DYNC2H1: variants seen among roughly 807,000 people sequenced by gnomAD.
DYNC2H1 encodes dynein cytoplasmic 2 heavy chain 1.
A neutral mutation model predicts 570.0 loss-of-function variants in DYNC2H1; 410 were observed. The ratio of observed to expected loss-of-function variants is 0.72; its 90% CI spans 0.66 to 0.78. The LOEUF (loss-of-function observed/expected upper bound fraction) is 0.78, where lower values mean the gene tolerates loss of function less well. Ranked by LOEUF, DYNC2H1 falls within the 30% of genes least tolerant of loss-of-function variation. The pLI, the probability that DYNC2H1 is intolerant of heterozygous loss-of-function variation, is 0.00. For missense variants in DYNC2H1, 4,865 were observed against 5,046.4 expected, an observed-to-expected ratio of 0.96 and a Z score of 1.09; for synonymous variants, 1,688 against 1,677.6, an observed-to-expected ratio of 1.01 and a Z score of -0.15.
intron 70 of DYNC2H1, among the ~76,000 whole-genome samples, chr11:103,271,572 G>A (rs886959118): frequency 6.6e-6 from 1 of 152,108 alleles, no homozygotes. Context: ...GTCTCTTTGA[G>A]GATCATGGGG....
intron 59 of DYNC2H1, 83 bp from the exon 60 acceptor site, chr11:103,231,177 T>C: frequency 1.4e-6 from 1 of 739,892 alleles, no homozygotes; most frequent in Non-Finnish European, 2.2e-6. Flanking sequence ...AATTGTCATA[T>C]GATTACATTT....
chr11:103,401,598 C>G (rs1942647101), intron 84 of DYNC2H1, among the ~76,000 whole-genome samples: 1 of 152,150 alleles, frequency 6.6e-6, no homozygotes, highest in African/African-American at 2.4e-5. Context: ...GAGTTCTATT[C>G]TACCACATAG....
In DYNC2H1 at chr11:103,239,559, G is replaced by T. The variant is rs1418129915; in HGVS notation, c.9819+3020G>T. Among the ~76,000 whole-genome samples, 1 of 151,844 alleles carries T rather than the reference G, an allele frequency of 6.6e-6. No individual in the cohort carries two copies. The highest frequency in any genetic ancestry group is 1.5e-5 in the Non-Finnish European group (1 of 67,972). On this transcript the variant is annotated intron_variant, in intron 63 of 88. Coordinates refer to ENST00000375735, the MANE Select transcript of DYNC2H1 (RefSeq NM_001377.3). This position sits in a 1 kb window ranked among gnomAD's most constrained non-coding sequence, Gnocchi z 4.3. ...GAGGCACAGAAGAGTTAATTCACTT[G>T]TCTAAGGTCACATGGCTATCAAGTG...
At chr11:103,131,676 C>T (rs561030295) in intron 13 of DYNC2H1, among the ~76,000 whole-genome samples, 1 of 152,216 alleles carries the variant, frequency 6.6e-6, no homozygotes, top group Non-Finnish European at 1.5e-5. Flanking sequence ...CCTTTTCCCT[C>T]ATTCCTGAAG....
At chr11:103,450,313 C>A (rs1944555303) in intron 85 of DYNC2H1, among the ~76,000 whole-genome samples, 1 of 152,134 alleles carries the variant, frequency 6.6e-6, no homozygotes, top group South Asian at 2.1e-4. Flanking sequence ...GATAGCAGAT[C>A]AGTAAAGATA....
intron 11 of DYNC2H1, among the ~76,000 whole-genome samples, chr11:103,124,177 G>A (rs770715350): frequency 2.0e-5 from 3 of 152,008 alleles, no homozygotes; most frequent in Non-Finnish European, 4.4e-5. Context: ...GGGTGTGGTG[G>A]CTTATGCCTG....
rs1941055069 is a variant in DYNC2H1 at position 103,369,462 on chromosome 11, C to A, written c.12156+11103C>A. Among the ~76,000 whole-genome samples, 1 of 152,162 alleles carries A rather than the reference C, an allele frequency of 6.6e-6. No individual in the cohort carries two copies. Among genetic ancestry groups the A allele is most frequent in the Non-Finnish European group, 1.5e-5 (1 of 68,038 alleles). ...CAGTGAACTGGAAGGGACACGTGAC[C>A]TACTGAGGCACCTGCTGGGGCAGCT... On this transcript the variant is annotated intron_variant, in intron 83 of 88. Coordinates refer to ENST00000375735, the MANE Select transcript of DYNC2H1 (RefSeq NM_001377.3). The surrounding 1 kb of genome is among the most constrained non-coding windows in gnomAD (Gnocchi z 4.0).
At chr11:103,266,993 C>T (rs1349340140) in intron 70 of DYNC2H1, among the ~76,000 whole-genome samples, 1 of 152,194 alleles carries the variant, frequency 6.6e-6, no homozygotes, top group Non-Finnish European at 1.5e-5. Flanking sequence ...TGCACATACT[C>T]CGGTACCAAA....
At chr11:103,327,733 T>C (rs182771809) in intron 82 of DYNC2H1, among the ~76,000 whole-genome samples, 33 of 152,316 alleles carry the variant, frequency 2.2e-4, no homozygotes, top group Admixed American at 1.5e-3. Flanking sequence ...CAGCTACCTA[T>C]ATACAGAACT....
At chr11:103,435,143 C>T (rs1374129538) in intron 84 of DYNC2H1, among the ~76,000 whole-genome samples, 8 of 152,112 alleles carry the variant, frequency 5.3e-5, no homozygotes, top group African/African-American at 1.9e-4. Flanking sequence ...AAGGTCCTTT[C>T]TACTCTAAAT....
chr11:103,188,693 A>G, intron 44 of DYNC2H1, 45 bp downstream of exon 44: 1 of 1,345,258 alleles, frequency 7.4e-7, no homozygotes, highest in Non-Finnish European at 9.8e-7. Context: ...GGAAGATATC[A>G]TATATAAATG....
Position 103,374,097 on chromosome 11 carries a change from G to T in DYNC2H1, c.12156+15738G>T, listed in dbSNP as rs191492298. ...TAATGAGTAGGCAACATATAGTAGG[G>T]TCTTGTTTATCGATTCAGCCACACT... On this transcript the variant is annotated intron_variant, in intron 83 of 88. Coordinates refer to ENST00000375735, the MANE Select transcript of DYNC2H1 (RefSeq NM_001377.3). 2.0e-3 allele frequency among the ~76,000 whole-genome samples: 297 copies of T among 152,152 alleles called. 2 individuals carry two copies. The highest frequency in any genetic ancestry group is 6.8e-3 in the African/African-American group (283 of 41,514).
intron 30 of DYNC2H1, among the ~76,000 whole-genome samples, chr11:103,164,502 T>G (rs1861219419): frequency 6.6e-6 from 1 of 152,170 alleles, no homozygotes; most frequent in Non-Finnish European, 1.5e-5. Context: ...TATATGGACC[T>G]GAAATAATGG....
In DYNC2H1 at chr11:103,245,583, C is replaced by T. The variant is rs1240720886; in HGVS notation, c.10042+209C>T. On this transcript the variant is annotated intron_variant, in intron 65 of 88. Transcript: ENST00000375735. The surrounding 1 kb of genome is among the most constrained non-coding windows in gnomAD (Gnocchi z 4.5). ...GTAGAGACCTAGTACCCATAGTTTA[C>T]TGGGGGTTGATTACGTAAGCACACT... Among the ~76,000 whole-genome samples the T allele has an allele frequency of 6.6e-6, 1 of 152,076 alleles. No individual in the cohort carries two copies. Among genetic ancestry groups the T allele is most frequent in the Non-Finnish European group, 1.5e-5 (1 of 67,986 alleles).
At chr11:103,242,329 G>C (rs898768847) in intron 63 of DYNC2H1, among the ~76,000 whole-genome samples, 1 of 152,072 alleles carries the variant, frequency 6.6e-6, no homozygotes. Flanking sequence ...ACAGTATACT[G>C]TAATAAAAGT....
intron 47 of DYNC2H1, 115 bp downstream of exon 47, chr11:103,192,379 A>T (rs1862353114): frequency 2.6e-6 from 2 of 777,008 alleles, no homozygotes; most frequent in Non-Finnish European, 3.6e-6. Context: ...AATAATTTTA[A>T]TATTATTTTT....
In DYNC2H1 at chr11:103,204,904, T is replaced by C; in HGVS notation, c.8394T>C (p.Ala2798=). 1 of 1,594,666 alleles carries C rather than the reference T, an allele frequency of 6.3e-7. No homozygotes were observed. Among genetic ancestry groups the C allele is most frequent in the Non-Finnish European group, 8.6e-7 (1 of 1,169,338 alleles). Residue 2798 remains alanine (A), a synonymous_variant, in exon 52 of 89, where the codon GCT becomes GCC. Coordinates refer to ENST00000375735, the MANE Select transcript of DYNC2H1 (RefSeq NM_001377.3). The surrounding 1 kb of genome is among the most constrained non-coding windows in gnomAD (Gnocchi z 4.1). ...TGATAAACTGTGAGAGTAATCCAGCTTTGCATAAGAAATGCCAGGTGTTGT... is the reference window on the plus strand; with the variant it reads ...TGATAAACTGTGAGAGTAATCCAGCCTTGCATAAGAAATGCCAGGTGTTGT... The part of the protein sequence containing the change: ...NFMINCESNP[A]LHKKCQVLWM...
chr11:103,259,773 T>C (rs761567929), intron 69 of DYNC2H1, 115 bp from the exon 70 acceptor site: 13 of 639,508 alleles, frequency 2.0e-5, no homozygotes, highest in Non-Finnish European at 3.4e-5. Flanking sequence ...TCCCTTGAAT[T>C]TGATGGTTAA....
At chr11:103,138,688 T>A (rs1286680439) in intron 17 of DYNC2H1, among the ~76,000 whole-genome samples, 1 of 152,210 alleles carries the variant, frequency 6.6e-6, no homozygotes, top group Non-Finnish European at 1.5e-5. Flanking sequence ...TTTGGTTGTG[T>A]CTCTGCCCGG....
Sources: gnomAD v4.1 joint callset for allele counts (sites outside exome capture counted in the v4.1 genomes callset) on GRCh38, gnomAD v4.1.1 for gene constraint, Gnocchi (gnomAD v3.1) non-coding constraint, MANE v1.5 for transcripts, NCBI Gene and HGNC (gene_info 2026-07-23, HGNC 2026-07-21) for gene names.